Variants in GPC5 observed in about 807,000 individuals in gnomAD.
GPC5 encodes glypican-5.
A neutral mutation model predicts 53.9 loss-of-function variants in GPC5; 47 were observed. That is an observed-to-expected ratio of 0.87 (90% CI 0.69 to 1.11). The LOEUF is 1.11. Among genes scored for constraint, GPC5 ranks in the 50% most tolerant of loss-of-function variants. The pLI, the probability that GPC5 is intolerant of heterozygous loss-of-function variation, is 0.00. For missense variants in GPC5, 748 were observed against 713.1 expected, an observed-to-expected ratio of 1.05 and a Z score of -0.56; for synonymous variants, 286 against 263.3, an observed-to-expected ratio of 1.09 and a Z score of -0.84.
At chr13:92,462,637 A>G (rs1333781069) in intron 7 of GPC5, among the ~76,000 whole-genome samples, 1 of 152,128 alleles carries the variant, frequency 6.6e-6, no homozygotes, top group Non-Finnish European at 1.5e-5. Context: ...CACAAATCCA[A>G]CAGTTGTCCC....
intron 5 of GPC5, among the ~76,000 whole-genome samples, chr13:91,763,075 T>C (rs2037448491): frequency 1.3e-5 from 2 of 152,202 alleles, no homozygotes; most frequent in African/African-American, 4.8e-5. Flanking sequence ...TCTTTGAAGA[T>C]AACAAGACTC....
At chr13:92,842,573 T>C (rs906149786) in intron 7 of GPC5, among the ~76,000 whole-genome samples, 3 of 151,210 alleles carry the variant, frequency 2.0e-5, no homozygotes, top group African/African-American at 7.3e-5. Flanking sequence ...CTTACAGTCA[T>C]AGCACACCCC....
intron 6 of GPC5, among the ~76,000 whole-genome samples, chr13:92,003,345 G>C (rs368857206): frequency 8.1e-6 from 1 of 123,332 alleles, no homozygotes; most frequent in African/African-American, 2.9e-5. Context: ...AAAAAAAAAA[G>C]AAAAGAAATG....
chr13:91,497,352 A>T (rs1269620655), intron 2 of GPC5, among the ~76,000 whole-genome samples: 1 of 152,134 alleles, frequency 6.6e-6, no homozygotes, highest in Non-Finnish European at 1.5e-5. Context: ...AAAGGAAAAA[A>T]GTCATCAAAT....
chr13:91,682,407 T>G (rs977013213), intron 2 of GPC5, among the ~76,000 whole-genome samples: 1 of 152,206 alleles, frequency 6.6e-6, no homozygotes, highest in Non-Finnish European at 1.5e-5. Context: ...GTAGGTACCA[T>G]GTACAAATTC....
At chr13:92,547,071 A>G (rs1279551784) in intron 7 of GPC5, among the ~76,000 whole-genome samples, 1 of 152,138 alleles carries the variant, frequency 6.6e-6, no homozygotes, top group Non-Finnish European at 1.5e-5. Flanking sequence ...AACCCAAGAA[A>G]TTTTATTATT....
At chr13:92,261,112 A>G (rs924787886) in intron 7 of GPC5, among the ~76,000 whole-genome samples, 4 of 152,196 alleles carry the variant, frequency 2.6e-5, no homozygotes, top group Non-Finnish European at 5.9e-5. Flanking sequence ...TTAAAATTAG[A>G]AAGTCATTAA....
intron 6 of GPC5, among the ~76,000 whole-genome samples, chr13:92,007,518 G>T (rs2040618231): frequency 6.6e-6 from 1 of 152,110 alleles, no homozygotes. Context: ...AATATGCTTT[G>T]TGTGAAGAGC....
chr13:91,456,103 T>C (rs1374161246), intron 2 of GPC5, among the ~76,000 whole-genome samples: 1 of 152,122 alleles, frequency 6.6e-6, no homozygotes, highest in Admixed American at 6.6e-5. Context: ...ATAATGTATC[T>C]TCCAGTCTCT....
chr13:92,470,539 GA>G (rs1209190467), intron 7 of GPC5, among the ~76,000 whole-genome samples: 1 of 151,916 alleles, frequency 6.6e-6, no homozygotes. Context: ...GAAAAACTCA[GA>G]AAAAAACAGA....
chr13:92,397,794 A>G (rs1875354590), intron 7 of GPC5, among the ~76,000 whole-genome samples: 1 of 152,200 alleles, frequency 6.6e-6, no homozygotes, highest in Admixed American at 6.5e-5. Flanking sequence ...TGTTGTAATG[A>G]AGCCCTAAGA....
chr13:91,922,838 T>C (rs1381191109), intron 6 of GPC5, among the ~76,000 whole-genome samples: 1 of 151,886 alleles, frequency 6.6e-6, no homozygotes, highest in African/African-American at 2.4e-5. Context: ...TGTTGAGCCA[T>C]ATCTCACAAA....
chr13:92,114,164 A>G (rs1419318717), intron 6 of GPC5, among the ~76,000 whole-genome samples: 1 of 152,172 alleles, frequency 6.6e-6, no homozygotes, highest in Non-Finnish European at 1.5e-5. Context: ...AGAGTATAGA[A>G]ACAGAGCCTT....
At chr13:91,644,144 G>A (rs926004784) in intron 2 of GPC5, among the ~76,000 whole-genome samples, 2 of 151,888 alleles carry the variant, frequency 1.3e-5, no homozygotes, top group Admixed American at 6.6e-5. Context: ...TATGTATGTG[G>A]CTCACATTAT....
At chr13:91,907,003 A>G (rs1314702533) in intron 5 of GPC5, among the ~76,000 whole-genome samples, 7 of 149,854 alleles carry the variant, frequency 4.7e-5, no homozygotes, top group Non-Finnish European at 1.5e-5. Flanking sequence ...ATATATATAT[A>G]TATGCCACAT....
At chr13:92,510,797 C>T (rs117898789) in intron 7 of GPC5, among the ~76,000 whole-genome samples, 1 of 152,252 alleles carries the variant, frequency 6.6e-6, no homozygotes, top group African/African-American at 2.4e-5. Context: ...CAGAGTGAGA[C>T]ATAAGTAAGG....
At chr13:91,723,010 C>T (rs2036505789) in intron 3 of GPC5, among the ~76,000 whole-genome samples, 1 of 151,990 alleles carries the variant, frequency 6.6e-6, no homozygotes, top group East Asian at 1.9e-4. Context: ...CTAGAATGTA[C>T]TAGTGTTTTA....
chr13:92,721,164 G>T (rs546261861), intron 7 of GPC5, among the ~76,000 whole-genome samples: 1 of 151,950 alleles, frequency 6.6e-6, no homozygotes, highest in East Asian at 1.9e-4. Flanking sequence ...CCTTCCTGGT[G>T]CACAGGGAAG....
At chr13:92,572,484 G>A (rs1271406138) in intron 7 of GPC5, among the ~76,000 whole-genome samples, 6 of 152,082 alleles carry the variant, frequency 3.9e-5, no homozygotes, top group African/African-American at 7.2e-5. Flanking sequence ...TGGTGACCCT[G>A]GCCTCTTGAT....
Sources: gnomAD v4.1 joint callset for allele counts (sites outside exome capture counted in the v4.1 genomes callset) on GRCh38, gnomAD v4.1.1 for gene constraint, MANE v1.5 for transcripts, NCBI Gene and HGNC (gene_info 2026-07-23, HGNC 2026-07-21) for gene names.